Variants in ATP9A observed in about 807,000 individuals in gnomAD.
ATP9A encodes the protein probable phospholipid-transporting ATPase IIA.
In ATP9A, 52 loss-of-function variants were observed where a neutral mutation model predicts 144.1. The observed-to-expected ratio is 0.36, with a 90% CI of 0.29 to 0.45. The LOEUF (loss-of-function observed/expected upper bound fraction) is 0.45. ATP9A is among the 20% of genes least tolerant of loss of function. ATP9A has a pLI of 1.00. For missense variants in ATP9A, 947 were observed against 1,392.7 expected (o/e 0.68, Z 5.09); for synonymous variants, 582 against 557.4 (o/e 1.04, Z -0.62).
chr20:51,764,296 T>A (rs1941814286), intron 1 of ATP9A, among the ~76,000 whole-genome samples: 1 of 152,198 alleles, frequency 6.6e-6, no homozygotes, highest in African/African-American at 2.4e-5. Context: ...CCCTGCCATT[T>A]CACCACAAGA....
chr20:51,622,258 G>C, intron 18 of ATP9A, 86 bp from the exon 19 acceptor site: 1 of 1,085,924 alleles, frequency 9.2e-7, no homozygotes, highest in East Asian at 2.4e-5. Context: ...CAACAACATG[G>C]AGCTGAACTT....
chr20:51,710,575 G>A (rs540763008), intron 4 of ATP9A, among the ~76,000 whole-genome samples: 1 of 152,280 alleles, frequency 6.6e-6, no homozygotes, highest in African/African-American at 2.4e-5. Context: ...TTTCCAAGCT[G>A]ACAGTTTCTT....
At chr20:51,764,987 C>A (rs1462404844) in intron 1 of ATP9A, among the ~76,000 whole-genome samples, 1 of 152,112 alleles carries the variant, frequency 6.6e-6, no homozygotes, top group African/African-American at 2.4e-5. Flanking sequence ...TCCCAAAGTG[C>A]TGGGATTACA....
At chr20:51,730,744 T>C (rs1181579582) in intron 1 of ATP9A, among the ~76,000 whole-genome samples, 2 of 152,188 alleles carry the variant, frequency 1.3e-5, no homozygotes, top group East Asian at 1.9e-4. Context: ...TAAGTACTTG[T>C]GTCTCTAAAC....
At chr20:51,750,852 GA>G (rs989426065) in intron 1 of ATP9A, among the ~76,000 whole-genome samples, 3 of 152,250 alleles carry the variant, frequency 2.0e-5, no homozygotes, top group African/African-American at 7.2e-5. Flanking sequence ...CAAATGGCAG[GA>G]ACCCAGCAGA....
At position 51,689,224 on chromosome 20, in the gene ATP9A, T is replaced by G. The variant is rs748870931; in HGVS notation, c.724-85A>C. ...TGCTTCTAGCATGGTCCGCTGGAGA[T>G]AGAAAGACAGGCTCCCCCCGATGAA... On this transcript the variant is annotated intron_variant, in intron 8 of 27. Transcript: ENST00000338821. The G allele has an allele frequency of 2.3e-4, 317 of 1,349,868 alleles. 6 individuals carry two copies. The South Asian group carries it at 3.8e-3, about 16-fold the overall frequency. 83.6% of individuals were successfully genotyped at this position (1,349,868 alleles called of 1,614,324 possible). A position where few individuals can be genotyped will look rare whatever the true frequency, so the allele number is the denominator to read the frequency against.
Position 51,690,817 on chromosome 20 carries a change from G to A in ATP9A, c.645C>T (p.Asp215=), listed in dbSNP as rs749443621. ...ACACATACGATCGAATCTGAAGAAG[G>A]TCCTGTTCAACAGAAGGCACATTCG... ...ACTQRLPTAA[D]LLQIRSYVYA... The change falls in exon 8 of 28, where the codon GAC becomes GAT. Residue 215 remains aspartate, a splice_region_variant and synonymous_variant. Coordinates refer to ENST00000338821, the MANE Select transcript of ATP9A (RefSeq NM_006045.3). The A allele has an allele frequency of 6.2e-7, 1 of 1,613,816 alleles. No homozygotes were observed. Among genetic ancestry groups the A allele is most frequent in the South Asian group, 1.1e-5 (1 of 91,058 alleles).
intron 9 of ATP9A, among the ~76,000 whole-genome samples, chr20:51,687,507 C>T (rs2077528265): frequency 2.6e-5 from 4 of 152,118 alleles, no homozygotes; most frequent in African/African-American, 9.7e-5. Flanking sequence ...GTGGTTTACA[C>T]CTATGATCCC....
At chr20:51,602,720 G>A (rs2077147934) in intron 27 of ATP9A, among the ~76,000 whole-genome samples, 2 of 152,164 alleles carry the variant, frequency 1.3e-5, no homozygotes, top group Non-Finnish European at 2.9e-5. Flanking sequence ...CAAAAGAGCC[G>A]CGATCAAAGA....
At chr20:51,659,667 A>T (rs1160503308) in intron 13 of ATP9A, among the ~76,000 whole-genome samples, 1 of 152,212 alleles carries the variant, frequency 6.6e-6, no homozygotes, top group Non-Finnish European at 1.5e-5. Flanking sequence ...AAGTGATCTG[A>T]TCCTTTAAAA....
rs749792141 is a variant in ATP9A, at chr20:51,608,502, GA to G, written c.2745+15del. 2.1e-4 allele frequency: 328 copies of G among 1,526,748 alleles called. No homozygotes were observed. The highest frequency in any genetic ancestry group is 5.3e-4 in the South Asian group (47 of 89,284). 94.6% of individuals were successfully genotyped at this position (1,526,748 alleles called of 1,614,324 possible). On this transcript the variant is annotated intron_variant, in intron 25 of 27. Coordinates refer to ENST00000338821, the MANE Select transcript of ATP9A (RefSeq NM_006045.3). ...AGGAGGAAAGGAGGAAGGAGGGACTGAAAAGCTAACAGAACCTTGAGAAGAT... is the reference window on the plus strand; with the variant it reads ...AGGAGGAAAGGAGGAAGGAGGGACTGAAAGCTAACAGAACCTTGAGAAGAT...
At chr20:51,657,619 G>A (rs1030393928) in intron 13 of ATP9A, among the ~76,000 whole-genome samples, 4 of 152,198 alleles carry the variant, frequency 2.6e-5, no homozygotes, top group African/African-American at 4.8e-5. Context: ...GTTGTGACAA[G>A]ATATGTCACC....
At chr20:51,718,582 C>T (rs1284301524) in intron 3 of ATP9A, among the ~76,000 whole-genome samples, 1 of 151,648 alleles carries the variant, frequency 6.6e-6, no homozygotes, top group Non-Finnish European at 1.5e-5. Flanking sequence ...CTTTGGGAGG[C>T]CAAGGTGGGC....
chr20:51,752,289 A>G (rs2077835922), intron 1 of ATP9A, among the ~76,000 whole-genome samples: 1 of 152,142 alleles, frequency 6.6e-6, no homozygotes, highest in South Asian at 2.1e-4. Context: ...CATTAAGACA[A>G]TCCACTTAAA....
chr20:51,651,108 T>C (rs1038717548), intron 14 of ATP9A, among the ~76,000 whole-genome samples: 30 of 148,044 alleles, frequency 2.0e-4, no homozygotes, highest in African/African-American at 6.2e-4. Context: ...TGTTTAATTA[T>C]ATGTACTACA....
chr20:51,757,731 C>A (rs1356378990), intron 1 of ATP9A, among the ~76,000 whole-genome samples: 1 of 151,826 alleles, frequency 6.6e-6, no homozygotes, highest in Non-Finnish European at 1.5e-5. Context: ...ATGGAGAAAC[C>A]CCATCTCTAT....
rs1359162236 is a variant in ATP9A, at chr20:51,596,843, G to A, written c.*4368C>T. 2 of 152,158 alleles carry A rather than the reference G, an allele frequency of 1.3e-5. No homozygotes were observed. The highest frequency in any genetic ancestry group is 2.4e-5 in the African/African-American group (1 of 41,408). 9.4% of individuals were successfully genotyped at this position (152,158 alleles called of 1,614,324 possible). ...GCTGGCAAACAATGAAAGTAGAGTC[G>A]CTCAGAAACACGAAAGATCATATGT... On this transcript the variant is annotated 3_prime_UTR_variant, in exon 28 of 28. Coordinates refer to ENST00000338821, the MANE Select transcript of ATP9A (RefSeq NM_006045.3).
intron 14 of ATP9A, among the ~76,000 whole-genome samples, chr20:51,649,219 A>G (rs1324746384): frequency 6.6e-6 from 1 of 152,156 alleles, no homozygotes; most frequent in Non-Finnish European, 1.5e-5. Flanking sequence ...AGTCTCCCAC[A>G]CACAGGCATC....
chr20:51,643,429 C>T (rs1427945854), intron 14 of ATP9A, among the ~76,000 whole-genome samples: 14 of 152,120 alleles, frequency 9.2e-5, no homozygotes, highest in Non-Finnish European at 8.8e-5. Flanking sequence ...GAAACCTAAT[C>T]CCCAATATGA....
Sources: gnomAD v4.1 joint callset for allele counts (sites outside exome capture counted in the v4.1 genomes callset) on GRCh38, gnomAD v4.1.1 for gene constraint, MANE v1.5 for transcripts, NCBI Gene and HGNC (gene_info 2026-07-23, HGNC 2026-07-21) for gene names.